B3GALT1: variants seen among roughly 807,000 people sequenced by gnomAD.
B3GALT1 encodes UDP-Gal:betaGlcNAc beta 1,3-galactosyltransferase, polypeptide 1.
Under a neutral mutation model 23.2 loss-of-function variants are expected in B3GALT1, and 10 were observed. That is an observed-to-expected ratio of 0.43 (90% confidence interval 0.27 to 0.73). The LOEUF (loss-of-function observed/expected upper bound fraction) is 0.73, where lower values mean the gene tolerates loss of function less well. Ranked by LOEUF, B3GALT1 falls within the 30% of genes least tolerant of loss-of-function variation. The pLI, the probability that B3GALT1 is intolerant of heterozygous loss-of-function variation, is 0.21. For synonymous variants in B3GALT1, 156 were observed against 141.5 expected, an observed-to-expected ratio of 1.10 and a Z score of -0.73; for missense variants, 299 against 405.4, an observed-to-expected ratio of 0.74 and a Z score of 2.25.
chr2:167,759,244 T>G (rs1274341325), intron 3 of B3GALT1, among the ~76,000 whole-genome samples: 1 of 152,192 alleles, frequency 6.6e-6, no homozygotes, highest in African/African-American at 2.4e-5. Context: ...TGTGGGCCAC[T>G]GAACACCACT....
intron 4 of B3GALT1, among the ~76,000 whole-genome samples, chr2:167,837,939 A>G (rs1219618516): frequency 2.0e-5 from 3 of 152,110 alleles, no homozygotes; most frequent in Admixed American, 1.3e-4. Flanking sequence ...TGGGTACATA[A>G]CAAATGAAGG....
chr2:167,635,683 A>G (rs1012745852), intron 2 of B3GALT1, among the ~76,000 whole-genome samples: 2 of 152,160 alleles, frequency 1.3e-5, no homozygotes, highest in Non-Finnish European at 2.9e-5. Flanking sequence ...CCACTACTCA[A>G]GGAAATAAGA....
chr2:167,854,824 T>C (rs1032985975), intron 4 of B3GALT1, among the ~76,000 whole-genome samples: 2 of 152,150 alleles, frequency 1.3e-5, no homozygotes, highest in Admixed American at 1.3e-4. Context: ...TTATTGACCA[T>C]AGTCACATCG....
At chr2:167,781,647 T>C (rs2105320168) in intron 3 of B3GALT1, among the ~76,000 whole-genome samples, 1 of 152,324 alleles carries the variant, frequency 6.6e-6, no homozygotes, top group East Asian at 1.9e-4. Flanking sequence ...CCCCTTTCCC[T>C]CTCAGGCAGG....
At chr2:167,352,944 T>C (rs978254810) in intron 1 of B3GALT1, among the ~76,000 whole-genome samples, 2 of 152,178 alleles carry the variant, frequency 1.3e-5, no homozygotes, top group South Asian at 2.1e-4. Flanking sequence ...CTGTACATAA[T>C]AAACCCAGTG....
intron 2 of B3GALT1, among the ~76,000 whole-genome samples, chr2:167,504,598 A>G: frequency 6.6e-6 from 1 of 152,320 alleles, no homozygotes; most frequent in East Asian, 1.9e-4. Context: ...TTGATAGCTG[A>G]CTGATTAATG....
chr2:167,476,597 G>T (rs1699489958), intron 1 of B3GALT1, among the ~76,000 whole-genome samples: 1 of 151,912 alleles, frequency 6.6e-6, no homozygotes, highest in Non-Finnish European at 1.5e-5. Flanking sequence ...GAATATTCAG[G>T]GTATCTGTGT....
At chr2:167,396,385 C>T (rs1698095892) in intron 1 of B3GALT1, among the ~76,000 whole-genome samples, 1 of 151,728 alleles carries the variant, frequency 6.6e-6, no homozygotes, top group African/African-American at 2.4e-5. Context: ...ATAGAGTGAG[C>T]CTTTGGGGAA....
At chr2:167,694,263 A>G (rs1177304316) in intron 3 of B3GALT1, among the ~76,000 whole-genome samples, 1 of 152,152 alleles carries the variant, frequency 6.6e-6, no homozygotes, top group Non-Finnish European at 1.5e-5. Flanking sequence ...AAGACTGAAT[A>G]AGTAGGTAAT....
intron 3 of B3GALT1, among the ~76,000 whole-genome samples, chr2:167,765,579 T>C (rs528975840): frequency 2.0e-5 from 3 of 152,332 alleles, no homozygotes; most frequent in Non-Finnish European, 4.4e-5. Flanking sequence ...AGAATTTGCC[T>C]ATTGGCCAAA....
At chr2:167,797,939 C>T (rs185993581) in intron 3 of B3GALT1, among the ~76,000 whole-genome samples, 5 of 152,270 alleles carry the variant, frequency 3.3e-5, no homozygotes, top group East Asian at 1.9e-4. Flanking sequence ...CTCCTGACCT[C>T]ATGATCCACC....
intron 1 of B3GALT1, among the ~76,000 whole-genome samples, chr2:167,338,945 C>T (rs1273958348): frequency 2.0e-5 from 3 of 151,882 alleles, no homozygotes; most frequent in African/African-American, 4.8e-5. Context: ...ATTAGATTGG[C>T]GAAATTACAG....
chr2:167,400,609 G>A (rs1698173048), intron 1 of B3GALT1, among the ~76,000 whole-genome samples: 1 of 152,026 alleles, frequency 6.6e-6, no homozygotes, highest in African/African-American at 2.4e-5. Context: ...GAAATTTGTT[G>A]CAGACTCATT....
chr2:167,412,475 T>C (rs534010000), intron 1 of B3GALT1, among the ~76,000 whole-genome samples: 30 of 152,232 alleles, frequency 2.0e-4, no homozygotes, highest in South Asian at 6.2e-4. Flanking sequence ...AAAGAGGATA[T>C]ACAAATAACA....
At chr2:167,667,418 A>T (rs1218660739) in intron 3 of B3GALT1, among the ~76,000 whole-genome samples, 3 of 151,956 alleles carry the variant, frequency 2.0e-5, no homozygotes, top group South Asian at 4.2e-4. Flanking sequence ...TGAATCTGAC[A>T]ATTATGTGTC....
chr2:167,312,491 A>T (rs1357598), intron 1 of B3GALT1, among the ~76,000 whole-genome samples: 1 of 151,658 alleles, frequency 6.6e-6, no homozygotes, highest in African/African-American at 2.4e-5. Flanking sequence ...TAAAATGCTC[A>T]GTACAAAGAA....
chr2:167,516,351 C>T (rs1700099945), intron 2 of B3GALT1, among the ~76,000 whole-genome samples: 1 of 152,022 alleles, frequency 6.6e-6, no homozygotes, highest in African/African-American at 2.4e-5. Context: ...AAAATATAAA[C>T]CTGAGTTTTG....
At chr2:167,343,411 G>C (rs1377353777) in intron 1 of B3GALT1, among the ~76,000 whole-genome samples, 1 of 152,146 alleles carries the variant, frequency 6.6e-6, no homozygotes, top group African/African-American at 2.4e-5. Context: ...CTCAGGGAAT[G>C]TCTTTAGTTA....
At chr2:167,444,009 T>A (rs1412005456) in intron 1 of B3GALT1, among the ~76,000 whole-genome samples, 3 of 152,014 alleles carry the variant, frequency 2.0e-5, no homozygotes, top group Non-Finnish European at 4.4e-5. Flanking sequence ...TGGGTTTGTT[T>A]TAGATAGCTC....
Sources: gnomAD v4.1 joint callset for allele counts (sites outside exome capture counted in the v4.1 genomes callset) on GRCh38, gnomAD v4.1.1 for gene constraint, MANE v1.5 for transcripts, NCBI Gene and HGNC (gene_info 2026-07-23, HGNC 2026-07-21) for gene names.